The following ADCY8 variants were observed in gnomAD, a reference collection of about 807,000 sequenced individuals.
ADCY8 encodes adenylate cyclase 8.
ADCY8 carries 51 observed loss-of-function variants against 119.7 expected under a neutral mutation model. The ratio of observed to expected loss-of-function variants is 0.43; its 90% CI spans 0.34 to 0.54. The LOEUF is 0.54. Ranked by LOEUF, ADCY8 falls within the 20% of genes least tolerant of loss-of-function variation. The probability of loss-of-function intolerance (pLI) is 0.03; values close to 1 mark genes in which losing one functional copy is unlikely to be tolerated. For synonymous variants in ADCY8, 665 were observed against 651.0 expected (o/e 1.02, Z -0.33); for missense variants, 1,383 against 1,598.8 (o/e 0.87, Z 2.30).
chr8:130,835,478 G>A (rs143065210), intron 12 of ADCY8, among the ~76,000 whole-genome samples: 2 of 152,226 alleles, frequency 1.3e-5, no homozygotes, highest in Non-Finnish European at 2.9e-5. Flanking sequence ...GCTTGCATTC[G>A]CCTCTCATCC....
At chr8:130,909,954 T>C (rs78517869) in intron 5 of ADCY8, 88 bp from the exon 6 acceptor site, 6 of 1,300,908 alleles carry the variant, frequency 4.6e-6, no homozygotes, top group South Asian at 4.4e-5. Flanking sequence ...TTTTTTTTTT[T>C]TGAGACGGAG....
At chr8:130,987,052 T>C (rs1016614184) in intron 2 of ADCY8, among the ~76,000 whole-genome samples, 8 of 152,202 alleles carry the variant, frequency 5.3e-5, no homozygotes, top group Admixed American at 1.3e-4. Context: ...GACAGTCTTA[T>C]TGGGCTCTCT....
At chr8:130,998,708 T>G (rs1021344433) in intron 1 of ADCY8, among the ~76,000 whole-genome samples, 1 of 152,080 alleles carries the variant, frequency 6.6e-6, no homozygotes, top group Non-Finnish European at 1.5e-5. Context: ...GAAAAGAGAT[T>G]TTGACATGGA....
At chr8:130,849,941 T>A in intron 9 of ADCY8, 138 bp from the exon 10 acceptor site, 2 of 865,820 alleles carry the variant, frequency 2.3e-6, no homozygotes, top group South Asian at 1.8e-5. Context: ...AAAAGGTTAT[T>A]AGCAGGAGAG....
At chr8:130,934,041 C>CACTGTATT (rs1254416038) in intron 5 of ADCY8, among the ~76,000 whole-genome samples, 1 of 152,210 alleles carries the variant, frequency 6.6e-6, no homozygotes, top group African/African-American at 2.4e-5. Context: ...ACATGTTTAT[C>CACTGTATT]ACTGTATTTC....
chr8:131,029,431 A>G (rs1235868496), intron 1 of ADCY8, among the ~76,000 whole-genome samples: 1 of 152,164 alleles, frequency 6.6e-6, no homozygotes, highest in Non-Finnish European at 1.5e-5. Context: ...AAGGTTGGGG[A>G]CTGCAGCTAT....
chr8:130,938,279 A>C (rs904886314), intron 4 of ADCY8, among the ~76,000 whole-genome samples: 2 of 152,152 alleles, frequency 1.3e-5, no homozygotes, highest in Non-Finnish European at 2.9e-5. Context: ...GAGATGGTGC[A>C]AGTGAAAGCT....
At chr8:130,860,157 T>C (rs56256827) in intron 9 of ADCY8, among the ~76,000 whole-genome samples, 1 of 152,194 alleles carries the variant, frequency 6.6e-6, no homozygotes. Context: ...TTATGGCCAA[T>C]GATGTTGAGC....
At chr8:131,038,111 G>C (rs531093605) in intron 1 of ADCY8, among the ~76,000 whole-genome samples, 2 of 152,314 alleles carry the variant, frequency 1.3e-5, no homozygotes, top group East Asian at 3.9e-4. Flanking sequence ...AGAAGAGACA[G>C]GATCCCACAT....
chr8:130,890,684 A>T (rs999004688), intron 7 of ADCY8, among the ~76,000 whole-genome samples: 21 of 152,128 alleles, frequency 1.4e-4, no homozygotes, highest in Non-Finnish European at 1.5e-5. Context: ...TGTCACTCCC[A>T]TTACTACTTC....
chr8:130,860,978 A>G (rs916606196), intron 9 of ADCY8, among the ~76,000 whole-genome samples: 1 of 152,180 alleles, frequency 6.6e-6, no homozygotes, highest in Admixed American at 6.5e-5. Context: ...TCCTTTCTCC[A>G]TGGAATTTTC....
intron 5 of ADCY8, among the ~76,000 whole-genome samples, chr8:130,921,589 G>A (rs1176897734): frequency 1.3e-5 from 2 of 151,788 alleles, no homozygotes; most frequent in East Asian, 3.9e-4. Flanking sequence ...TAGTAGCTGG[G>A]ATTACAGGCA....
intron 5 of ADCY8, 58 bp downstream of exon 5, chr8:130,937,015 G>A (rs1403766593): frequency 1.3e-6 from 2 of 1,542,184 alleles, no homozygotes; most frequent in African/African-American, 2.7e-5. Context: ...GGTAGGTGAA[G>A]TGGCCTGTGA....
chr8:130,867,878 G>T lies in ADCY8; in HGVS notation c.2178C>A (p.Ile726=), dbSNP rs1412682375. ...AAGGAAGCAAACTTTGTATTGCCGT[G>T]ATAAATAGAAGAACGATAAATGCAC... ...LVCAFIVLLF[I]TAIQSLLPSS... is the part of the protein sequence containing the mutation. Residue 726 remains isoleucine, a synonymous_variant, in exon 9 of 18, where the codon ATC becomes ATA. Transcript: ENST00000286355. 2 of 1,611,740 alleles carry T rather than the reference G, an allele frequency of 1.2e-6. No homozygotes were observed. The highest frequency in any genetic ancestry group is 2.7e-5 in the African/African-American group (2 of 74,842).
At chr8:130,811,599 C>T (rs150527114) in intron 14 of ADCY8, among the ~76,000 whole-genome samples, 69 of 152,246 alleles carry the variant, frequency 4.5e-4, no homozygotes, top group Admixed American at 2.5e-3. Context: ...ATCCATATTG[C>T]CTTTGTAGCA....
chr8:131,005,571 T>G (rs771425492), intron 1 of ADCY8, among the ~76,000 whole-genome samples: 67 of 151,650 alleles, frequency 4.4e-4, no homozygotes, highest in South Asian at 8.3e-4. Flanking sequence ...CCCAGAAAAG[T>G]TGTTATCTCT....
intron 13 of ADCY8, among the ~76,000 whole-genome samples, chr8:130,818,201 G>T (rs1816403735): frequency 6.6e-6 from 1 of 152,316 alleles, no homozygotes; most frequent in Non-Finnish European, 1.5e-5. Flanking sequence ...AAGTGGAATT[G>T]CTAGGACTCA....
At chr8:130,934,999 A>AT (rs535173936) in intron 5 of ADCY8, among the ~76,000 whole-genome samples, 94 of 152,194 alleles carry the variant, frequency 6.2e-4, no homozygotes, top group Non-Finnish European at 1.1e-3. Context: ...GTTACTCAAA[A>AT]TTTTTTCTTT....
rs1480911215 is a variant in ADCY8, at chr8:130,884,779, G to A, written c.1912-18C>T. The A allele has an allele frequency of 4.3e-6, 7 of 1,612,014 alleles. No homozygotes were observed. The highest frequency in any genetic ancestry group is 1.3e-5 in the African/African-American group (1 of 74,870). ...GCCAGAGTCTAGGGGGAAAGCACAT[G>A]CAAACACAATAAACCTGCTAGTCCC... On this transcript the variant is annotated intron_variant, in intron 7 of 17. Transcript: ENST00000286355.
Sources: gnomAD v4.1 joint callset for allele counts (sites outside exome capture counted in the v4.1 genomes callset) on GRCh38, gnomAD v4.1.1 for gene constraint, MANE v1.5 for transcripts, NCBI Gene and HGNC (gene_info 2026-07-23, HGNC 2026-07-21) for gene names.